Variants in ACTN1 observed in about 807,000 individuals in gnomAD.
The protein encoded by ACTN1 is actinin alpha 1.
A neutral mutation model predicts 119.6 loss-of-function variants in ACTN1; 30 were observed. The observed-to-expected ratio is 0.25, with a 90% CI of 0.19 to 0.34. The LOEUF is 0.34. Among genes scored for constraint, ACTN1 ranks in the 10% least tolerant of loss-of-function variants. ACTN1 has a pLI of 1.00. For missense variants in ACTN1, 764 were observed against 1,223.4 expected, an observed-to-expected ratio of 0.62 and a Z score of 5.60; for synonymous variants, 429 against 472.6, an observed-to-expected ratio of 0.91 and a Z score of 1.20.
chr14:68,956,209 T>C (rs1469618770), intron 1 of ACTN1, among the ~76,000 whole-genome samples: 1 of 152,098 alleles, frequency 6.6e-6, no homozygotes. Flanking sequence ...GTTACTTCTG[T>C]ATTCCTAGCA....
At chr14:68,933,706 G>T (rs948906021) in intron 1 of ACTN1, among the ~76,000 whole-genome samples, 1 of 151,954 alleles carries the variant, frequency 6.6e-6, no homozygotes, top group Admixed American at 6.6e-5. Flanking sequence ...CTTATGCTGG[G>T]TGTAGTGGCT....
At chr14:68,944,737 T>C (rs1000207662) in intron 1 of ACTN1, among the ~76,000 whole-genome samples, 2 of 152,100 alleles carry the variant, frequency 1.3e-5, no homozygotes, top group Non-Finnish European at 2.9e-5. Context: ...GAGTATTAGA[T>C]GAAAAGTTCG....
chr14:68,892,026 G>C (rs1192365181), intron 10 of ACTN1, 27 bp downstream of exon 10: 1 of 1,609,716 alleles, frequency 6.2e-7, no homozygotes, highest in East Asian at 2.2e-5. Flanking sequence ...TCCAGTCTGG[G>C]GGCCCAGGCT....
At chr14:68,943,264 G>A (rs2035825303) in intron 1 of ACTN1, among the ~76,000 whole-genome samples, 1 of 152,198 alleles carries the variant, frequency 6.6e-6, no homozygotes, top group South Asian at 2.1e-4. Context: ...ACAGGAATGT[G>A]TCTGTGGGAA....
chr14:68,936,652 A>G, intron 1 of ACTN1: 2 of 621,766 alleles, frequency 3.2e-6, no homozygotes, highest in Non-Finnish European at 6.2e-6. Flanking sequence ...CCATGGGGGA[A>G]GAGCCAGTGG....
intron 1 of ACTN1, among the ~76,000 whole-genome samples, chr14:68,964,200 G>T (rs1288895602): frequency 1.3e-5 from 2 of 152,164 alleles, no homozygotes; most frequent in South Asian, 4.1e-4. Context: ...TACACTTGAA[G>T]GCCCCCATGC....
intron 11 of ACTN1, among the ~76,000 whole-genome samples, chr14:68,889,051 C>G (rs1048547836): frequency 6.6e-6 from 1 of 152,192 alleles, no homozygotes; most frequent in African/African-American, 2.4e-5. Context: ...GCATTGAGCT[C>G]CGCCGGCCAA....
chr14:68,883,159 G>A, intron 14 of ACTN1, 104 bp from the exon 15 acceptor site: 1 of 1,225,370 alleles, frequency 8.2e-7, no homozygotes, highest in South Asian at 1.4e-5. Flanking sequence ...GAGACCAGGA[G>A]GCATCAATTC....
rs769696174 is a variant in ACTN1 at position 68,904,759 on chromosome 14, G to GGAT, written c.595-26_595-24dup. On this transcript the variant is annotated intron_variant, in intron 6 of 21. Transcript: ENST00000394419. ...ATCCTAGAGGGAGAAAAGGAGGAAG[G>GGAT]GATGATAAAGTGAGAGCCACCACAA... 24 of 1,602,108 alleles carry GGAT rather than the reference G, an allele frequency of 1.5e-5. No homozygotes were observed. In the East Asian group the frequency reaches 5.4e-4, roughly 36 times the overall value.
At chr14:68,920,654 C>T (rs2034591014) in intron 3 of ACTN1, among the ~76,000 whole-genome samples, 1 of 152,212 alleles carries the variant, frequency 6.6e-6, no homozygotes, top group Non-Finnish European at 1.5e-5. Context: ...TCTGCACACC[C>T]TTTCCAGCCC....
rs2033884901 is a variant in ACTN1 at position 68,909,679 on chromosome 14, G to A, written c.515+276C>T. 6.6e-6 allele frequency among the ~76,000 whole-genome samples: 1 copy of A among 152,176 alleles called. No homozygotes were observed. Among genetic ancestry groups the A allele is most frequent in the Non-Finnish European group, 1.5e-5 (1 of 68,018 alleles). ...CCCTAGTCTGCTGTTCCAGAGCCCT[G>A]GGCTGGGACTTCCTGGACAATTTCC... is the stretch of plus-strand genomic sequence containing the variant. On this transcript the variant is annotated intron_variant, in intron 5 of 21. Coordinates refer to ENST00000394419, the MANE Select transcript of ACTN1 (RefSeq NM_001130004.2). The surrounding 1 kb of genome is among the most constrained non-coding windows in gnomAD (Gnocchi z 4.1).
chr14:68,969,701 G>A (rs2036819609), intron 1 of ACTN1, among the ~76,000 whole-genome samples: 1 of 152,136 alleles, frequency 6.6e-6, no homozygotes, highest in South Asian at 2.1e-4. Flanking sequence ...CTTTTTCCTG[G>A]ACCAAGACCC....
chr14:68,903,493 C>T (rs1385378122), intron 7 of ACTN1, among the ~76,000 whole-genome samples: 1 of 150,188 alleles, frequency 6.7e-6, no homozygotes, highest in Non-Finnish European at 1.5e-5. Flanking sequence ...GCGGAGATCG[C>T]ACCACAGCAC....
Position 68,883,011 on chromosome 14 carries a change from A to G in ACTN1, c.1680T>C (p.Asp560=). 1 of 1,614,218 alleles carries G rather than the reference A, an allele frequency of 6.2e-7. No homozygotes were observed. Among genetic ancestry groups the G allele is most frequent in the Non-Finnish European group, 8.5e-7 (1 of 1,180,048 alleles). ...AHEQFKATLP[D]ADKERLAILG... ...GGATGGCCAGGCGCTCCTTGTCGGC[A>G]TCAGGGAGGGTGGCCTTGAACTGCT... The change falls in exon 15 of 22, where the codon GAT becomes GAC. Residue 560 remains aspartate, a synonymous_variant. Transcript: ENST00000394419.
At chr14:68,884,729 C>A (rs1443700920) in intron 13 of ACTN1, 46 bp downstream of exon 13, 1 of 1,514,150 alleles carries the variant, frequency 6.6e-7, no homozygotes, top group East Asian at 2.3e-5. Flanking sequence ...AGGGGCACCA[C>A]AGGGCTGCCG....
Position 68,875,030 on chromosome 14 carries a change from A to G in ACTN1, c.2587-13T>C. ...TGGTAATGTAGTTCTGCGAGGAGAG[A>G]GTGGTCAGGAAGGCCGCAAAGTCCA... On this transcript the variant is annotated splice_polypyrimidine_tract_variant and intron_variant, in intron 21 of 21. Transcript: ENST00000394419. 6.2e-7 allele frequency: 1 copy of G among 1,612,042 alleles called. No homozygotes were observed. The highest frequency in any genetic ancestry group is 8.5e-7 in the Non-Finnish European group (1 of 1,179,920).
At chr14:68,965,067 G>A (rs1245759735) in intron 1 of ACTN1, among the ~76,000 whole-genome samples, 4 of 152,224 alleles carry the variant, frequency 2.6e-5, no homozygotes, top group Admixed American at 6.5e-5. Flanking sequence ...ATCTGCAGGT[G>A]TTCTGGAGCC....
intron 1 of ACTN1, among the ~76,000 whole-genome samples, chr14:68,952,432 G>A (rs1297010043): frequency 6.6e-6 from 1 of 152,252 alleles, no homozygotes; most frequent in African/African-American, 2.4e-5. Flanking sequence ...GAGGCTGCCT[G>A]AAAGCAAACA....
intron 1 of ACTN1, among the ~76,000 whole-genome samples, chr14:68,927,442 A>C (rs2034987427): frequency 6.6e-6 from 1 of 152,230 alleles, no homozygotes; most frequent in African/African-American, 2.4e-5. Context: ...CAGTGAACTA[A>C]ACAGCAAAAG....
Sources: gnomAD v4.1 joint callset for allele counts (sites outside exome capture counted in the v4.1 genomes callset) on GRCh38, gnomAD v4.1.1 for gene constraint, Gnocchi (gnomAD v3.1) non-coding constraint, MANE v1.5 for transcripts, NCBI Gene and HGNC (gene_info 2026-07-23, HGNC 2026-07-21) for gene names.